Variants in DEUP1 observed in about 807,000 individuals in gnomAD.
The protein encoded by DEUP1 is deuterosome assembly protein 1, also known as coiled-coil domain containing 67.
In DEUP1, 82 loss-of-function variants were observed where a neutral mutation model predicts 87.4. The observed-to-expected ratio is 0.94, with a 90% CI of 0.78 to 1.13. The LOEUF (loss-of-function observed/expected upper bound fraction) is 1.13. Among genes scored for constraint, DEUP1 ranks in the 50% most tolerant of loss-of-function variants. The probability of loss-of-function intolerance (pLI) is 0.00; values close to 1 mark genes in which losing one functional copy is unlikely to be tolerated. For missense variants in DEUP1, 663 were observed against 681.5 expected, an observed-to-expected ratio of 0.97 and a Z score of 0.30; for synonymous variants, 214 against 222.7, an observed-to-expected ratio of 0.96 and a Z score of 0.35.
intron 5 of DEUP1, among the ~76,000 whole-genome samples, chr11:93,367,495 T>C (rs750370699): frequency 1.3e-5 from 2 of 152,236 alleles, no homozygotes; most frequent in African/African-American, 2.4e-5. Flanking sequence ...AAGATAATCA[T>C]AAAATCCTCT....
rs775206019 is a variant in DEUP1 at position 93,371,195 on chromosome 11, A to G, written c.704A>G (p.Asn235Ser). The G allele has an allele frequency of 1.2e-6, 2 of 1,613,236 alleles. No individual in the cohort carries two copies. Among genetic ancestry groups the G allele is most frequent in the Non-Finnish European group, 1.7e-6 (2 of 1,179,520 alleles). ...ATTGAAAAACTGAAATCAGCTGTAA[A>G]TGAGATAGCACTAAGCAGGAATAAA... ...FIIEKLKSAV[N>S]EIALSRNKLQ... The change falls in exon 7 of 14, where the codon AAT (asparagine) becomes AGT (serine). Residue 235 changes from asparagine to serine, a missense_variant. Asn to Ser is a conservative substitution (Grantham distance 46, BLOSUM62 1). Transcript: ENST00000298050.
At chr11:93,432,212 C>T (rs945422713) in intron 13 of DEUP1, among the ~76,000 whole-genome samples, 2 of 152,106 alleles carry the variant, frequency 1.3e-5, no homozygotes, top group Non-Finnish European at 2.9e-5. Context: ...GGATGGGGCT[C>T]AAGGAGGGTC....
intron 2 of DEUP1, among the ~76,000 whole-genome samples, chr11:93,344,143 G>A (rs964551171): frequency 2.6e-5 from 4 of 151,912 alleles, no homozygotes; most frequent in African/African-American, 9.7e-5. Flanking sequence ...TAGTGTTTTA[G>A]AACAGACAGT....
chr11:93,411,380 A>T (rs1344832672), intron 12 of DEUP1, among the ~76,000 whole-genome samples: 3 of 152,232 alleles, frequency 2.0e-5, no homozygotes, highest in Non-Finnish European at 4.4e-5. Flanking sequence ...GTTAAGATTC[A>T]TAGTCTAATT....
chr11:93,353,134 TA>T (rs1944707216), intron 2 of DEUP1, among the ~76,000 whole-genome samples: 1 of 152,050 alleles, frequency 6.6e-6, no homozygotes, highest in Admixed American at 6.5e-5. Flanking sequence ...CTAGATATAA[TA>T]GGGGTACAGG....
At chr11:93,408,194 G>A in intron 11 of DEUP1, 37 bp from the exon 12 acceptor site, 1 of 1,375,544 alleles carries the variant, frequency 7.3e-7, no homozygotes, top group Non-Finnish European at 9.7e-7. Flanking sequence ...ACTTATAAGG[G>A]GCAGTTTATT....
At chr11:93,367,577 A>G (rs550140537) in intron 5 of DEUP1, among the ~76,000 whole-genome samples, 1 of 152,190 alleles carries the variant, frequency 6.6e-6, no homozygotes, top group Non-Finnish European at 1.5e-5. Context: ...GTTTGTGTGT[A>G]TAGTTCCCTA....
intron 7 of DEUP1, among the ~76,000 whole-genome samples, chr11:93,372,149 C>T (rs189694204): frequency 6.6e-6 from 1 of 151,896 alleles, no homozygotes; most frequent in Non-Finnish European, 1.5e-5. Context: ...GGGATGGTCT[C>T]GATCTCCTGA....
chr11:93,402,458 A>G (rs1947147283), intron 11 of DEUP1, among the ~76,000 whole-genome samples: 2 of 152,060 alleles, frequency 1.3e-5, no homozygotes, highest in Non-Finnish European at 2.9e-5. Context: ...AGTTTCCTCA[A>G]AAAACTAAAA....
rs374015337 is a variant in DEUP1, at chr11:93,413,122, G to C, written c.1524-1878G>C. Among the ~76,000 whole-genome samples the C allele has an allele frequency of 2.7e-4, 41 of 152,190 alleles. No individual in the cohort carries two copies. In the South Asian group the frequency reaches 8.5e-3, roughly 32 times the overall value. On this transcript the variant is annotated intron_variant, in intron 12 of 13. Transcript: ENST00000298050. ...GTAATGTGAAAAATTTTTTAACTAG[G>C]TTAAATTAAACTATGAAGGCTTTGA...
chr11:93,348,029 C>T (rs1327237323), intron 2 of DEUP1, among the ~76,000 whole-genome samples: 8 of 152,152 alleles, frequency 5.3e-5, no homozygotes, highest in African/African-American at 9.7e-5. Context: ...CATGAGCCAC[C>T]GCACCCGGCC....
At chr11:93,412,703 C>T (rs551376952) in intron 12 of DEUP1, among the ~76,000 whole-genome samples, 25 of 152,266 alleles carry the variant, frequency 1.6e-4, no homozygotes, top group African/African-American at 6.0e-4. Flanking sequence ...TGAATCGCTA[C>T]TAATTTTTTT....
intron 7 of DEUP1, chr11:93,383,380 G>A: frequency 4.8e-6 from 2 of 414,892 alleles, no homozygotes; most frequent in Non-Finnish European, 8.5e-6. Context: ...GCCACATAGT[G>A]TATGACACCA....
At chr11:93,387,026 G>A (rs185727757) in intron 8 of DEUP1, among the ~76,000 whole-genome samples, 1 of 152,004 alleles carries the variant, frequency 6.6e-6, no homozygotes, top group Admixed American at 6.6e-5. Flanking sequence ...TTATATATTT[G>A]GCCAGTAAAA....
At position 93,386,288 on chromosome 11, in the gene DEUP1, T is replaced by C. The variant is rs557101654; in HGVS notation, c.935+745T>C. On this transcript the variant is annotated intron_variant, in intron 8 of 13. Transcript: ENST00000298050. The stretch of plus-strand genomic sequence containing the variant: ...TTTTTCTCTTTTAAAATCAGACAGA[T>C]ATTGTATATTCCATAAACACAAAGG... 1.8e-4 allele frequency among the ~76,000 whole-genome samples: 28 copies of C among 152,256 alleles called. 1 individual carries two copies. The highest frequency in any genetic ancestry group is 9.8e-4 in the Admixed American group (15 of 15,294).
chr11:93,352,716 G>C (rs1302279644), intron 2 of DEUP1, among the ~76,000 whole-genome samples: 1 of 152,142 alleles, frequency 6.6e-6, no homozygotes, highest in Non-Finnish European at 1.5e-5. Flanking sequence ...TTCTTACATG[G>C]GGGAGGCAAG....
intron 13 of DEUP1, among the ~76,000 whole-genome samples, chr11:93,417,933 G>C (rs1424731223): frequency 4.6e-5 from 7 of 151,138 alleles, no homozygotes; most frequent in Non-Finnish European, 8.9e-5. Flanking sequence ...AATGGGGAAA[G>C]GATTCCCTAT....
At chr11:93,346,783 G>A (rs1240037182) in intron 2 of DEUP1, among the ~76,000 whole-genome samples, 1 of 152,124 alleles carries the variant, frequency 6.6e-6, no homozygotes, top group Non-Finnish European at 1.5e-5. Flanking sequence ...GTATTCCTAA[G>A]TATTTTATTC....
intron 12 of DEUP1, among the ~76,000 whole-genome samples, chr11:93,410,051 T>TA (rs560639131): frequency 9.3e-5 from 14 of 151,092 alleles, no homozygotes; most frequent in African/African-American, 3.2e-4. Flanking sequence ...TGGGATATAT[T>TA]AAAAAAAAAT....
Sources: allele counts gnomAD v4.1 joint callset (sites outside exome capture counted in the v4.1 genomes callset), GRCh38; gene constraint gnomAD v4.1.1; transcripts MANE v1.5; gene names NCBI Gene and HGNC (gene_info 2026-07-23, HGNC 2026-07-21).